The following HIF3A variants were observed in gnomAD, a reference collection of about 807,000 sequenced individuals.
The protein encoded by HIF3A is hypoxia-inducible factor 3-alpha.
Under a neutral mutation model 67.2 loss-of-function variants are expected in HIF3A, and 41 were observed. The observed-to-expected ratio is 0.61, with a 90% CI of 0.48 to 0.79. The LOEUF (loss-of-function observed/expected upper bound fraction) is 0.79, where lower values mean the gene tolerates loss of function less well. Ranked by LOEUF, HIF3A falls within the 30% of genes least tolerant of loss-of-function variation. The probability of loss-of-function intolerance (pLI) is 0.00; values close to 1 mark genes in which losing one functional copy is unlikely to be tolerated. For missense variants in HIF3A, 855 were observed against 898.0 expected (o/e 0.95, Z 0.61); for synonymous variants, 356 against 374.8 (o/e 0.95, Z 0.58).
rs3764609 is a variant in HIF3A, at chr19:46,320,445, A to G, written c.1028A>G (p.Gln343Arg). The G allele has an allele frequency of 0.19, 314,261 of 1,612,282 alleles. 34,445 individuals are homozygous for G. The highest frequency in any genetic ancestry group is 0.44 in the East Asian group (19,809 of 44,790). Reference sequence around the variant, plus strand: ...TCCCTTTCTGCCTTGTACCCCAGCCAGGTGGAAGAGACCGGAGTGGTGCTG... The same window carrying G: ...TCCCTTTCTGCCTTGTACCCCAGCCGGGTGGAAGAGACCGGAGTGGTGCTG... ...SIVCVHFLIS[Q>R]VEETGVVLSL... Residue 343 changes from glutamine (Q) to arginine (R), a missense_variant and splice_region_variant, in exon 9 of 15, where the codon CAG becomes CGG. Transcript: ENST00000377670.
chr19:46,312,874 G>T lies in HIF3A; in HGVS notation c.1025+221G>T, dbSNP rs984108075. 17 of 1,086,722 alleles carry T rather than the reference G, an allele frequency of 1.6e-5. No homozygotes were observed. In the East Asian group the frequency reaches 1.8e-4, roughly 12 times the overall value. 67.3% of individuals were successfully genotyped at this position (1,086,722 alleles called of 1,614,324 possible). ...ACACAGGTATGTGTATGGGTGTGTAGACTGTTAATTTTTTTTTTTTTTTTT... is the reference window on the plus strand; with the variant it reads ...ACACAGGTATGTGTATGGGTGTGTATACTGTTAATTTTTTTTTTTTTTTTT... On this transcript the variant is annotated intron_variant, in intron 8 of 14. Coordinates refer to ENST00000377670, the MANE Select transcript of HIF3A (RefSeq NM_152795.4).
intron 1 of HIF3A, among the ~76,000 whole-genome samples, chr19:46,302,409 C>T (rs1009247070): frequency 6.6e-6 from 1 of 151,832 alleles, no homozygotes; most frequent in Non-Finnish European, 1.5e-5. Flanking sequence ...GGATTACAGG[C>T]GTGAGCCACT....
Position 46,312,214 on chromosome 19 carries a change from A to G in HIF3A, c.824A>G (p.Tyr275Cys). 1 of 1,613,896 alleles carries G rather than the reference A, an allele frequency of 6.2e-7. No individual in the cohort carries two copies. Among genetic ancestry groups the G allele is most frequent in the Non-Finnish European group, 8.5e-7 (1 of 1,179,946 alleles). Residue 275 changes from tyrosine to cysteine, a missense_variant, in exon 7 of 15, where the codon TAC (tyrosine) becomes TGC (cysteine). By Grantham distance (194) the Tyr-to-Cys change is radical. Coordinates refer to ENST00000377670, the MANE Select transcript of HIF3A (RefSeq NM_152795.4). Reference sequence around the variant, plus strand: ...GATGACCTGATCGGCTGTTCCGCCTACGAGTACATCCACGCGCTGGACTCC... The same window carrying G: ...GATGACCTGATCGGCTGTTCCGCCTGCGAGTACATCCACGCGCTGGACTCC... ...SPDDLIGCSAYEYIHALDSDA... is the reference protein window; with the variant it reads ...SPDDLIGCSACEYIHALDSDA...
Position 46,302,452 on chromosome 19 carries a change from A to G in HIF3A, c.27-1446A>G, listed in dbSNP as rs966027576. ...GCCTGTTTTTTGTCTTTTTTTAGAG[A>G]CGGAGCCTTGCTGTGTCACCCAGGC... On this transcript the variant is annotated intron_variant, in intron 1 of 14. Transcript: ENST00000377670. 2.0e-5 allele frequency among the ~76,000 whole-genome samples: 3 copies of G among 152,002 alleles called. No homozygotes were observed. The South Asian group carries it at 6.2e-4, about 32-fold the overall frequency.
rs1031600116 is a variant in HIF3A at position 46,340,914 on chromosome 19, A to G, written c.*1292A>G. The G allele has an allele frequency of 6.6e-6, 1 of 152,140 alleles. No individual in the cohort carries two copies. Among genetic ancestry groups the G allele is most frequent in the Non-Finnish European group, 1.5e-5 (1 of 68,076 alleles). The allele number at this position is 152,140 out of a possible 1,614,324, so 9.4% of individuals were successfully genotyped here. A position where few individuals can be genotyped will look rare whatever the true frequency, so the allele number is the denominator to read the frequency against. ...CTGTTTTCAAACCTTACGATCCCCA[A>G]AAATTGTCTGGTTCTGGGCCTCTAA... On this transcript the variant is annotated 3_prime_UTR_variant, in exon 15 of 15. Transcript: ENST00000377670.
chr19:46,329,116 C>A, intron 11 of HIF3A, 91 bp from the exon 12 acceptor site: 1 of 1,250,142 alleles, frequency 8.0e-7, no homozygotes, highest in Non-Finnish European at 1.1e-6. Flanking sequence ...TGACCACAGG[C>A]ACAGAACTCA....
chr19:46,339,671 A>C lies in HIF3A; in HGVS notation c.*49A>C. On this transcript the variant is annotated 3_prime_UTR_variant, in exon 15 of 15. Coordinates refer to ENST00000377670, the MANE Select transcript of HIF3A (RefSeq NM_152795.4). ...TTCTCCTCCCCCAGAAAGGACCTCAACCACACTCCACGCCGGCAGCCAACG... is the reference window on the plus strand; with the variant it reads ...TTCTCCTCCCCCAGAAAGGACCTCACCCACACTCCACGCCGGCAGCCAACG... The C allele has an allele frequency of 7.3e-7, 1 of 1,362,988 alleles. No homozygotes were observed. The highest frequency in any genetic ancestry group is 1.0e-6 in the Non-Finnish European group (1 of 980,888). 84.4% of individuals were successfully genotyped at this position (1,362,988 alleles called of 1,614,324 possible). A position where few individuals can be genotyped will look rare whatever the true frequency, so the allele number is the denominator to read the frequency against.
chr19:46,301,114 C>T (rs1486399717), intron 1 of HIF3A, among the ~76,000 whole-genome samples: 5 of 152,174 alleles, frequency 3.3e-5, no homozygotes, highest in African/African-American at 1.2e-4. Flanking sequence ...CCCCCACCAG[C>T]CAGGAAGGAG....
At chr19:46,336,687 CCT>C (rs1971649848) in intron 14 of HIF3A, among the ~76,000 whole-genome samples, 1 of 152,070 alleles carries the variant, frequency 6.6e-6, no homozygotes, top group Non-Finnish European at 1.5e-5. Flanking sequence ...GCACCAGGCC[CCT>C]GTCTCTAAAC....
intron 8 of HIF3A, among the ~76,000 whole-genome samples, chr19:46,315,865 G>A (rs984494529): frequency 1.3e-5 from 2 of 152,130 alleles, no homozygotes; most frequent in African/African-American, 2.4e-5. Context: ...AGTGAGCTGA[G>A]ATCACACCGC....
intron 14 of HIF3A, chr19:46,338,545 G>A: frequency 1.8e-6 from 2 of 1,122,972 alleles, no homozygotes; most frequent in Non-Finnish European, 1.1e-6. Context: ...AATGAAGTAT[G>A]TGTGAGTATC....
At chr19:46,306,300 A>T (rs867573643) in intron 3 of HIF3A, among the ~76,000 whole-genome samples, 3 of 152,198 alleles carry the variant, frequency 2.0e-5, no homozygotes, top group Non-Finnish European at 4.4e-5. Context: ...TTTTTGAAAG[A>T]TCCTCTAGGT....
Position 46,310,743 on chromosome 19 carries a change from CAT to C in HIF3A, c.770+1385_770+1386del, listed in dbSNP as rs1465818774. 3.3e-5 allele frequency: 12 copies of C among 361,084 alleles called. No homozygotes were observed. In the East Asian group the frequency reaches 1.2e-3, roughly 36 times the overall value. 22.4% of individuals were successfully genotyped at this position (361,084 alleles called of 1,614,324 possible). A position where few individuals can be genotyped will look rare whatever the true frequency, so the allele number is the denominator to read the frequency against. On this transcript the variant is annotated intron_variant, in intron 6 of 14. Transcript: ENST00000377670. The stretch of plus-strand genomic sequence containing the variant: ...TATCTAATTTTTAAATCATTATTGT[CAT>C]CATTACTTTTTGTTGTTGTTGTTGA...
chr19:46,313,672 T>TTC (rs1206768609), intron 8 of HIF3A, among the ~76,000 whole-genome samples: 1 of 150,048 alleles, frequency 6.7e-6, no homozygotes, highest in Non-Finnish European at 1.5e-5. Context: ...CGATTTTTTT[T>TTC]TTTTTTTTTT....
intron 11 of HIF3A, among the ~76,000 whole-genome samples, chr19:46,326,558 C>T (rs962702101): frequency 6.6e-5 from 10 of 152,124 alleles, no homozygotes; most frequent in African/African-American, 2.4e-4. Flanking sequence ...TCTCAAGGCC[C>T]CCCAAAGTCT....
chr19:46,309,675 T>C (rs1227144513), intron 6 of HIF3A, among the ~76,000 whole-genome samples: 1 of 152,008 alleles, frequency 6.6e-6, no homozygotes, highest in East Asian at 1.9e-4. Flanking sequence ...TTATCTTTCA[T>C]TCTCTTTCTG....
intron 11 of HIF3A, among the ~76,000 whole-genome samples, chr19:46,328,919 CACT>C (rs1970982507): frequency 2.0e-5 from 3 of 152,062 alleles, no homozygotes; most frequent in Admixed American, 6.6e-5. Context: ...GTGGGGGTCT[CACT>C]ATGTTACCCA....
At chr19:46,298,800 G>C (rs1968079963) in intron 1 of HIF3A, among the ~76,000 whole-genome samples, 1 of 152,158 alleles carries the variant, frequency 6.6e-6, no homozygotes, top group Non-Finnish European at 1.5e-5. Flanking sequence ...TGGTCTCTCA[G>C]GACACCTCTC....
intron 8 of HIF3A, 79 bp downstream of exon 8, chr19:46,312,732 T>TGC: frequency 3.3e-6 from 5 of 1,507,068 alleles, no homozygotes; most frequent in Non-Finnish European, 4.4e-6. Context: ...TGTGTGTGTG[T>TGC]GTGTGCGTAT....
Sources: gnomAD v4.1 joint callset for allele counts (sites outside exome capture counted in the v4.1 genomes callset) on GRCh38, gnomAD v4.1.1 for gene constraint, MANE v1.5 for transcripts, NCBI Gene and HGNC (gene_info 2026-07-23, HGNC 2026-07-21) for gene names.